Variants in AK9 observed in about 807,000 individuals in gnomAD.
AK9 encodes the protein adenylate kinase 9.
AK9 carries 191 observed loss-of-function variants against 239.6 expected under a neutral mutation model. The observed-to-expected ratio is 0.80, with a 90% confidence interval of 0.71 to 0.90. AK9 has a LOEUF of 0.90. Among genes scored for constraint, AK9 ranks in the 40% least tolerant of loss-of-function variants. The pLI is 0.00. For synonymous variants in AK9, 689 were observed against 721.0 expected, an observed-to-expected ratio of 0.96 and a Z score of 0.71; for missense variants, 1,995 against 2,214.7, an observed-to-expected ratio of 0.90 and a Z score of 1.99.
chr6:109,667,267 A>G (rs1030895660), intron 5 of AK9, among the ~76,000 whole-genome samples: 1 of 151,376 alleles, frequency 6.6e-6, no homozygotes, highest in African/African-American at 2.4e-5. Context: ...GGAGTCATCA[A>G]TTATCCATCC....
intron 28 of AK9, among the ~76,000 whole-genome samples, chr6:109,530,734 C>T (rs11969939): frequency 0.036 from 5,430 of 152,256 alleles, 323 homozygotes; most frequent in African/African-American, 0.13. Flanking sequence ...ATCTGCAAGG[C>T]ATTACTCCAC....
intron 17 of AK9, among the ~76,000 whole-genome samples, chr6:109,599,712 G>T (rs1791629058): frequency 6.6e-6 from 1 of 152,196 alleles, no homozygotes; most frequent in African/African-American, 2.4e-5. Flanking sequence ...CATGAGCATG[G>T]AATGTTCTTC....
chr6:109,627,142 T>C (rs1795627571), intron 12 of AK9, among the ~76,000 whole-genome samples: 1 of 143,186 alleles, frequency 7.0e-6, no homozygotes, highest in Admixed American at 7.0e-5. Context: ...GCTTTTTTTT[T>C]TTTTTTTTTT....
chr6:109,602,470 T>A (rs1426418962), intron 17 of AK9, among the ~76,000 whole-genome samples: 2 of 152,190 alleles, frequency 1.3e-5, no homozygotes, highest in African/African-American at 2.4e-5. Context: ...CTTCTCTTTG[T>A]GGGTAACCCG....
chr6:109,531,715 A>T (rs1020651566), intron 28 of AK9, among the ~76,000 whole-genome samples: 16 of 152,232 alleles, frequency 1.1e-4, no homozygotes, highest in African/African-American at 2.9e-4. Flanking sequence ...CAACATATGA[A>T]TGTGCTTTGG....
chr6:109,579,588 T>C lies in AK9; in HGVS notation c.2153A>G (p.Asn718Ser). 6.4e-7 allele frequency: 1 copy of C among 1,551,462 alleles called. No homozygotes were observed. The highest frequency in any genetic ancestry group is 1.2e-5 in the South Asian group (1 of 84,024). The change falls in exon 20 of 41, where the codon AAT becomes AGT. Residue 718 changes from asparagine (N) to serine (S), a missense_variant. Physicochemically the swap from Asn to Ser is conservative, Grantham distance 46. Transcript: ENST00000424296. Reference sequence around the variant, plus strand: ...TTTCATAAGTTCCAGTAGCCTTCGATTTTCTTCTTCGAGTCTCAATTCCTC... The same window carrying C: ...TTTCATAAGTTCCAGTAGCCTTCGACTTTCTTCTTCGAGTCTCAATTCCTC... The part of the protein sequence containing the change: ...TEEELRLEEE[N>S]RRLLELMKVK...
At chr6:109,535,698 G>T (rs1781881594) in intron 27 of AK9, among the ~76,000 whole-genome samples, 1 of 152,078 alleles carries the variant, frequency 6.6e-6, no homozygotes, top group Non-Finnish European at 1.5e-5. Context: ...TGTCCTGAAT[G>T]GTATTGCCTA....
intron 12 of AK9, among the ~76,000 whole-genome samples, chr6:109,622,526 CAATAATAT>C (rs1318849622): frequency 1.4e-5 from 2 of 142,484 alleles, no homozygotes; most frequent in Non-Finnish European, 3.0e-5. Flanking sequence ...CAGGATAATA[CAATAATAT>C]ATTAATATTA....
At chr6:109,642,264 AC>A (rs1334120501) in intron 9 of AK9, among the ~76,000 whole-genome samples, 1 of 152,160 alleles carries the variant, frequency 6.6e-6, no homozygotes, top group East Asian at 1.9e-4. Flanking sequence ...TGTTATGGCA[AC>A]CCCAGGAAAT....
intron 17 of AK9, among the ~76,000 whole-genome samples, chr6:109,603,689 G>T (rs912176572): frequency 1.3e-5 from 2 of 152,182 alleles, no homozygotes; most frequent in Admixed American, 1.3e-4. Flanking sequence ...ACAGAGGCAG[G>T]CAGGCCTCCT....
At chr6:109,502,869 A>G (rs917180539) in intron 35 of AK9, among the ~76,000 whole-genome samples, 1 of 152,108 alleles carries the variant, frequency 6.6e-6, no homozygotes, top group Non-Finnish European at 1.5e-5. Context: ...TTCAGAAAAG[A>G]CCATAGTCTT....
At chr6:109,558,037 AG>A (rs1393155144) in intron 24 of AK9, among the ~76,000 whole-genome samples, 11 of 152,058 alleles carry the variant, frequency 7.2e-5, no homozygotes, top group African/African-American at 2.7e-4. Flanking sequence ...TGTATATTTT[AG>A]TTGGTGAAGT....
At chr6:109,625,463 T>C (rs1258320686) in intron 12 of AK9, among the ~76,000 whole-genome samples, 1 of 152,164 alleles carries the variant, frequency 6.6e-6, no homozygotes, top group African/African-American at 2.4e-5. Flanking sequence ...CATGGACCGG[T>C]AGGAACTGAG....
At chr6:109,588,532 C>G (rs561576104) in intron 17 of AK9, among the ~76,000 whole-genome samples, 1 of 152,154 alleles carries the variant, frequency 6.6e-6, no homozygotes, top group Non-Finnish European at 1.5e-5. Flanking sequence ...ATGTTTTCTT[C>G]CATTACATAG....
At chr6:109,588,171 C>T (rs1789760529) in intron 17 of AK9, among the ~76,000 whole-genome samples, 1 of 151,774 alleles carries the variant, frequency 6.6e-6, no homozygotes, top group Admixed American at 6.6e-5. Context: ...CCCGGGTTCA[C>T]GCCATTCTCC....
intron 27 of AK9, among the ~76,000 whole-genome samples, chr6:109,535,702 T>C (rs986493624): frequency 6.6e-6 from 1 of 152,196 alleles, no homozygotes; most frequent in Non-Finnish European, 1.5e-5. Flanking sequence ...CTGAATGGTA[T>C]TGCCTAGGTT....
rs1793896667 is a variant in AK9, at chr6:109,614,229, C to T, written c.1563G>A (p.Lys521=). ...CTTGATCATGGAGGACATTTTCTGA[C>T]TTTGTTTTGGCTTCTTCGGTGTCCA... ...SLVDTEEAKT[K]SENVLHDQAA... is the part of the protein sequence containing the mutation. The change falls in exon 15 of 41, where the codon AAG becomes AAA. Residue 521 remains lysine (K), a synonymous_variant. Transcript: ENST00000424296. 2.6e-6 allele frequency: 4 copies of T among 1,551,266 alleles called. 1 individual carries two copies. In the Admixed American group the frequency reaches 5.9e-5, roughly 23 times the overall value.
intron 27 of AK9, among the ~76,000 whole-genome samples, chr6:109,539,223 G>T (rs1003475701): frequency 3.9e-5 from 6 of 152,142 alleles, no homozygotes; most frequent in Non-Finnish European, 8.8e-5. Context: ...CATTCTCCCT[G>T]TCACTTTCAG....
chr6:109,672,003 A>C lies in AK9; in HGVS notation c.247T>G (p.Leu83Val). The C allele has an allele frequency of 6.2e-7, 1 of 1,614,012 alleles. No homozygotes were observed. Among genetic ancestry groups the C allele is most frequent in the South Asian group, 1.1e-5 (1 of 91,076 alleles). ...TESGVMLQSM[L>V]ISGQSIPDEL... ...TCTGGAATGCTTTGACCGCTGATCA[A>C]CATTGATTGCAACTAAGGACAAGCA... is the stretch of plus-strand genomic sequence containing the variant. The change falls in exon 5 of 41, where the codon TTG (leucine) becomes GTG (valine). Residue 83 changes from leucine to valine, a missense_variant. This residue lies in a region of AK9 where 252 missense variants were observed against 246.4 expected (regional missense o/e 1.02). Coordinates refer to ENST00000424296, the MANE Select transcript of AK9 (RefSeq NM_001145128.3).
Sources: gnomAD v4.1 joint callset for allele counts (sites outside exome capture counted in the v4.1 genomes callset) on GRCh38, gnomAD v4.1.1 for gene constraint, gnomAD v4.1.1 regional missense constraint, MANE v1.5 for transcripts, NCBI Gene and HGNC (gene_info 2026-07-23, HGNC 2026-07-21) for gene names.